Variants in MYCBP2 observed in about 807,000 individuals in gnomAD.
MYCBP2 encodes E3 ubiquitin-protein ligase MYCBP2.
Under a neutral mutation model 525.3 loss-of-function variants are expected in MYCBP2, and 120 were observed. That is an observed-to-expected ratio of 0.23 (90% CI 0.20 to 0.27). The LOEUF is 0.27. Ranked by LOEUF, MYCBP2 falls within the 10% of genes least tolerant of loss-of-function variation. The probability of loss-of-function intolerance (pLI) is 1.00; values close to 1 mark genes in which losing one functional copy is unlikely to be tolerated. For missense variants in MYCBP2, 4,149 were observed against 5,657.1 expected (o/e 0.73, Z 8.55); for synonymous variants, 1,894 against 1,955.8 (o/e 0.97, Z 0.83).
intron 41 of MYCBP2, among the ~76,000 whole-genome samples, chr13:77,166,051 A>C (rs2058484889): frequency 6.6e-6 from 1 of 152,168 alleles, no homozygotes; most frequent in Non-Finnish European, 1.5e-5. Flanking sequence ...ACCCAACTAC[A>C]CAGACAGCTA....
At chr13:77,219,682 G>A (rs2065279206) in intron 20 of MYCBP2, among the ~76,000 whole-genome samples, 2 of 151,978 alleles carry the variant, frequency 1.3e-5, no homozygotes, top group Admixed American at 1.3e-4. Context: ...AGGGTTGGTG[G>A]GCTGAATAAT....
At position 77,186,075 on chromosome 13, in the gene MYCBP2, T is replaced by C. The variant is rs2154252625; in HGVS notation, c.4252-12A>G. ...GACTCAAAACATTCCTAATCCAGAA[T>C]ATGAAAAAACAGACAACAATTAATT... is the stretch of plus-strand genomic sequence containing the variant. On this transcript the variant is annotated splice_polypyrimidine_tract_variant and intron_variant, in intron 30 of 82. Transcript: ENST00000544440. The C allele has an allele frequency of 2.6e-6, 4 of 1,534,798 alleles. No individual in the cohort carries two copies. The highest frequency in any genetic ancestry group is 1.4e-5 in the African/African-American group (1 of 71,944).
In MYCBP2 at chr13:77,233,243, G is replaced by C. The variant is rs1409086619; in HGVS notation, c.2650C>G (p.Pro884Ala). 2 of 1,613,646 alleles carry C rather than the reference G, an allele frequency of 1.2e-6. No homozygotes were observed. Among genetic ancestry groups the C allele is most frequent in the African/African-American group, 2.7e-5 (2 of 74,996 alleles). Residue 884 changes from proline to alanine, a missense_variant, in exon 18 of 83, where the codon CCT (proline) becomes GCT (alanine). By Grantham distance (27) the Pro-to-Ala change is conservative. Transcript: ENST00000544440. ...TGTTCTCGATGGTTCATAAAAATAGGACCAGCAAATACAAGGGGGCCTGAG... is the reference window on the plus strand; with the variant it reads ...TGTTCTCGATGGTTCATAAAAATAGCACCAGCAAATACAAGGGGGCCTGAG... The part of the protein sequence containing the change: ...EGRGPLVFAG[P>A]IFMNHREQAL...
chr13:77,212,336 G>A (rs1369828811), intron 21 of MYCBP2, among the ~76,000 whole-genome samples, 176 bp from the exon 22 acceptor site: 1 of 152,008 alleles, frequency 6.6e-6, no homozygotes, highest in Non-Finnish European at 1.5e-5. Context: ...TATTTATAAA[G>A]TAATAAAATA....
In MYCBP2 at chr13:77,111,917, T is replaced by C. The variant is rs193280209; in HGVS notation, c.8140+9456A>G. ...TAAGTATGGCTTACAAGACCCTTCA[T>C]GATCCAGCCCCAACCTCTCTAGTCT... On this transcript the variant is annotated intron_variant, in intron 55 of 82. Transcript: ENST00000544440. Among the ~76,000 whole-genome samples the C allele has an allele frequency of 3.3e-5, 5 of 152,294 alleles. No individual in the cohort carries two copies. In the South Asian group the frequency reaches 6.2e-4, roughly 19 times the overall value.
intron 8 of MYCBP2, among the ~76,000 whole-genome samples, chr13:77,265,400 A>G (rs1004570723): frequency 5.3e-5 from 8 of 152,144 alleles, no homozygotes; most frequent in Admixed American, 2.6e-4. Context: ...AAAAAGCCTC[A>G]TGAACTGAGG....
intron 58 of MYCBP2, 107 bp downstream of exon 58, chr13:77,095,251 C>T (rs1218202524): frequency 2.9e-6 from 4 of 1,369,000 alleles, no homozygotes; most frequent in Non-Finnish European, 4.0e-6. Flanking sequence ...GTTTATAGTA[C>T]ACAATAGCTA....
intron 4 of MYCBP2, among the ~76,000 whole-genome samples, chr13:77,275,640 T>C (rs2075456062): frequency 1.3e-5 from 2 of 152,182 alleles, no homozygotes; most frequent in Middle Eastern, 3.4e-3. Context: ...CTGGGCAATA[T>C]AGTAAGATCC....
rs187111897 is a variant in MYCBP2 at position 77,320,575 on chromosome 13, G to A, written c.302+5899C>T. 4.7e-3 allele frequency among the ~76,000 whole-genome samples: 710 copies of A among 152,108 alleles called. 3 individuals carry two copies. Among genetic ancestry groups the A allele is most frequent in the African/African-American group, 0.015 (621 of 41,448 alleles). On this transcript the variant is annotated intron_variant, in intron 1 of 82. Coordinates refer to ENST00000544440, the MANE Select transcript of MYCBP2 (RefSeq NM_015057.5). ...AGAATGCTAAAAGCATTAGGTAAAA[G>A]GCATTCACAATGTGCTCAAATTTTT...
intron 61 of MYCBP2, 80 bp from the exon 62 acceptor site, chr13:77,087,713 G>T: frequency 8.5e-7 from 1 of 1,175,604 alleles, no homozygotes; most frequent in Non-Finnish European, 1.2e-6. Flanking sequence ...TACCTCCATG[G>T]ATTAAGACTT....
At position 77,126,448 on chromosome 13, in the gene MYCBP2, C is replaced by T. The variant is rs775763177; in HGVS notation, c.7754G>A (p.Arg2585Gln). 13 of 1,613,924 alleles carry T rather than the reference C, an allele frequency of 8.1e-6. No homozygotes were observed. The highest frequency in any genetic ancestry group is 6.6e-5 in the South Asian group (6 of 91,064). The change falls in exon 53 of 83, where the codon CGA becomes CAA. Residue 2585 changes from arginine to glutamine, a missense_variant. By Grantham distance (43) the Arg-to-Gln change is conservative. This residue lies in a region of MYCBP2 where 692 missense variants were observed against 852.7 expected (regional missense o/e 0.81). Transcript: ENST00000544440. ...TMQEQDMPFL[R>Q]GGPGMYKVVK... is the part of the protein sequence containing the mutation. ...TACCTTGTACATGCCTGGCCCTCCT[C>T]GCAAGAATGGCATATCTTGTTCTTG...
At chr13:77,167,333 G>A (rs1002401061) in intron 40 of MYCBP2, among the ~76,000 whole-genome samples, 2 of 152,102 alleles carry the variant, frequency 1.3e-5, no homozygotes, top group African/African-American at 4.8e-5. Context: ...TATAAAGGGA[G>A]CCTGGAACAT....
Position 77,044,976 on chromosome 13 carries a change from TTGTA to T in MYCBP2, c.*398_*401del. The T allele has an allele frequency of 2.5e-6, 1 of 400,970 alleles. No homozygotes were observed. Among genetic ancestry groups the T allele is most frequent in the Non-Finnish European group, 4.4e-6 (1 of 227,222 alleles). The allele number at this position is 400,970 out of a possible 1,614,324, so 24.8% of individuals were successfully genotyped here. A position where few individuals can be genotyped will look rare whatever the true frequency, so the allele number is the denominator to read the frequency against. On this transcript the variant is annotated 3_prime_UTR_variant, in exon 83 of 83. Coordinates refer to ENST00000544440, the MANE Select transcript of MYCBP2 (RefSeq NM_015057.5). Reference sequence around the variant, plus strand: ...CTTTTTATCCCCACCCGTGATGCAATTGTACAGGATTACAAAAAGGCAGTATACA... The same window carrying T: ...CTTTTTATCCCCACCCGTGATGCAATCAGGATTACAAAAAGGCAGTATACA...
chr13:77,129,397 G>A (rs561056688), intron 52 of MYCBP2: 93 of 376,272 alleles, frequency 2.5e-4, no homozygotes, highest in African/African-American at 1.7e-3. Flanking sequence ...ACAACACACC[G>A]AAGAAATTCT....
intron 52 of MYCBP2, among the ~76,000 whole-genome samples, chr13:77,137,772 T>C (rs1466133934): frequency 6.6e-6 from 1 of 152,108 alleles, no homozygotes; most frequent in African/African-American, 2.4e-5. Flanking sequence ...GCATTTTTAG[T>C]AGAGACGGGG....
In MYCBP2 at chr13:77,044,906, T is replaced by C; in HGVS notation, c.*472A>G. The C allele has an allele frequency of 2.5e-6, 1 of 400,978 alleles. No individual in the cohort carries two copies. The highest frequency in any genetic ancestry group is 3.6e-5 in the East Asian group (1 of 28,096). The allele number at this position is 400,978 out of a possible 1,614,324, so 24.8% of individuals were successfully genotyped here. ...ATATGCTGTCCTAACACAATGTTTTTTTTTTTTTTAAATAACAGTCTAGGA... is the reference window on the plus strand; with the variant it reads ...ATATGCTGTCCTAACACAATGTTTTCTTTTTTTTTAAATAACAGTCTAGGA... On this transcript the variant is annotated 3_prime_UTR_variant, in exon 83 of 83. Coordinates refer to ENST00000544440, the MANE Select transcript of MYCBP2 (RefSeq NM_015057.5).
intron 26 of MYCBP2, among the ~76,000 whole-genome samples, chr13:77,202,976 A>G (rs931216645): frequency 7.2e-5 from 11 of 151,906 alleles, no homozygotes; most frequent in Non-Finnish European, 1.3e-4. Flanking sequence ...TCCCTTTGAA[A>G]ACTGGCACAA....
intron 55 of MYCBP2, among the ~76,000 whole-genome samples, chr13:77,112,579 C>T (rs1199498023): frequency 6.6e-6 from 1 of 151,652 alleles, no homozygotes; most frequent in Non-Finnish European, 1.5e-5. Context: ...GTGTGCATCA[C>T]TATGCCCAGC....
intron 15 of MYCBP2, among the ~76,000 whole-genome samples, chr13:77,250,694 C>T (rs2071044912): frequency 1.3e-5 from 2 of 152,094 alleles, no homozygotes; most frequent in Admixed American, 6.5e-5. Context: ...TAGAAGCAAG[C>T]ATACAACGTT....
Sources: gnomAD v4.1 joint callset for allele counts (sites outside exome capture counted in the v4.1 genomes callset) on GRCh38, gnomAD v4.1.1 for gene constraint, gnomAD v4.1.1 regional missense constraint, MANE v1.5 for transcripts, NCBI Gene and HGNC (gene_info 2026-07-23, HGNC 2026-07-21) for gene names.